The following PAH variants were observed in gnomAD, a reference collection of about 807,000 sequenced individuals.
The protein encoded by PAH is phenylalanine-4-hydroxylase.
PAH carries 64 observed loss-of-function variants against 62.0 expected under a neutral mutation model. The ratio of observed to expected loss-of-function variants is 1.03; its 90% CI spans 0.84 to 1.27. The LOEUF is 1.27. PAH is among the 50% of genes most tolerant of loss of function. PAH has a pLI of 0.00. For synonymous variants in PAH, 195 were observed against 196.2 expected (o/e 0.99, Z 0.05); for missense variants, 579 against 542.8 (o/e 1.07, Z -0.66).
At position 102,882,642 on chromosome 12, in the gene PAH, C is replaced by CTATATATATATATA. The variant is rs869088873; in HGVS notation, c.353-5106_353-5093dup. On this transcript the variant is annotated intron_variant, in intron 3 of 12. Coordinates refer to ENST00000553106, the MANE Select transcript of PAH (RefSeq NM_000277.3). ...CTGTATATATATGCATATATATACA[C>CTATATATATATATA]TATATATATATATATATATATATAT... Among the ~76,000 whole-genome samples the CTATATATATATATA allele has an allele frequency of 4.7e-5, 4 of 85,870 alleles. No homozygotes were observed. In the East Asian group the frequency reaches 1.5e-3, roughly 32 times the overall value. 56.3% of individuals were successfully genotyped at this position (85,870 alleles called of 152,430 possible). A position where few individuals can be genotyped will look rare whatever the true frequency, so the allele number is the denominator to read the frequency against.
At chr12:102,916,975 G>A (rs1023003087) in intron 1 of PAH, 96 bp downstream of exon 1, 23 of 1,098,446 alleles carry the variant, frequency 2.1e-5, no homozygotes, top group Non-Finnish European at 2.7e-5. Context: ...ACTTCTTACT[G>A]AGCTTATGAA....
chr12:102,899,472 A>T (rs1877646858), intron 2 of PAH, among the ~76,000 whole-genome samples: 1 of 152,174 alleles, frequency 6.6e-6, no homozygotes, highest in Non-Finnish European at 1.5e-5. Flanking sequence ...ATAGCATTTC[A>T]CCAAAACTTC....
chr12:102,852,598 T>C lies in PAH; in HGVS notation c.842+217A>G, dbSNP rs567114848. Among the ~76,000 whole-genome samples the C allele has an allele frequency of 2.5e-4, 38 of 152,332 alleles. No individual in the cohort carries two copies. In the South Asian group the frequency reaches 6.8e-3, roughly 27 times the overall value. ...TCACTGCCAAGGGAGTTCTGAGTTATTGGATCACAGGATGACCAAATCTCC... is the reference window on the plus strand; with the variant it reads ...TCACTGCCAAGGGAGTTCTGAGTTACTGGATCACAGGATGACCAAATCTCC... On this transcript the variant is annotated intron_variant, in intron 7 of 12. Transcript: ENST00000553106.
At chr12:102,845,315 C>G (rs1487450731) in intron 9 of PAH, among the ~76,000 whole-genome samples, 3 of 152,170 alleles carry the variant, frequency 2.0e-5, no homozygotes, top group Non-Finnish European at 4.4e-5. Context: ...TCCTCCATCT[C>G]TTTTGTTTTT....
intron 3 of PAH, among the ~76,000 whole-genome samples, chr12:102,877,916 C>T (rs1650536043): frequency 6.6e-6 from 1 of 152,112 alleles, no homozygotes; most frequent in Non-Finnish European, 1.5e-5. Context: ...ACCTCTGCCT[C>T]CTGGGTTCAA....
At chr12:102,955,265 G>C (rs1189818494), upstream of PAH, among the ~76,000 whole-genome samples, 7 of 152,226 alleles carry the variant, frequency 4.6e-5, no homozygotes, top group African/African-American at 1.2e-4. Context: ...ATGCATCCTG[G>C]AAAAGGAAAC....
At chr12:102,890,701 C>T (rs767169709) in intron 3 of PAH, among the ~76,000 whole-genome samples, 4 of 152,206 alleles carry the variant, frequency 2.6e-5, no homozygotes, top group East Asian at 1.9e-4. Context: ...AGCAAGAAAG[C>T]GAGAAGCCCC....
upstream of PAH, chr12:102,917,388 G>T (rs971249508): frequency 1.4e-5 from 7 of 509,404 alleles, no homozygotes; most frequent in African/African-American, 1.2e-4. Flanking sequence ...CTGAGGGAGG[G>T]TGTGGGGGAC....
intron 2 of PAH, among the ~76,000 whole-genome samples, chr12:102,905,110 C>T (rs976475065): frequency 1.3e-5 from 2 of 152,138 alleles, no homozygotes; most frequent in African/African-American, 2.4e-5. Flanking sequence ...TCTTCTGTGG[C>T]CTCAGAGTCA....
chr12:102,929,798 C>T (rs777085427), intron 1 of PAH, among the ~76,000 whole-genome samples: 1 of 152,046 alleles, frequency 6.6e-6, no homozygotes, highest in Non-Finnish European at 1.5e-5. Flanking sequence ...AAAGAGGAGT[C>T]AGTTTAGATA....
Position 102,957,553 on chromosome 12 carries a change from G to C in PAH, c.-96+642C>G, listed in dbSNP as rs112508173. ...TGGGTGGGAGGAAGAGGTAAGAGGAGGGGGGGGAGTGGGGGCTGCAGCCGC... is the reference window on the plus strand; with the variant it reads ...TGGGTGGGAGGAAGAGGTAAGAGGACGGGGGGGAGTGGGGGCTGCAGCCGC... On this transcript the variant is annotated intron_variant, in intron 1 of 4. Transcript: ENST00000551337. This position sits in a 1 kb window ranked among gnomAD's most constrained non-coding sequence, Gnocchi z 4.1. 1 of 149,006 alleles carries C rather than the reference G, an allele frequency of 6.7e-6. No homozygotes were observed. The highest frequency in any genetic ancestry group is 2.5e-5 in the African/African-American group (1 of 40,560). The allele number at this position is 149,006 out of a possible 1,614,324, so 9.2% of individuals were successfully genotyped here.
chr12:102,879,838 C>T (rs1016928284), intron 3 of PAH, among the ~76,000 whole-genome samples: 1 of 152,134 alleles, frequency 6.6e-6, no homozygotes, highest in African/African-American at 2.4e-5. Flanking sequence ...ATTTCCTGCC[C>T]AGAAGTTTCC....
In PAH at chr12:102,895,865, A is replaced by T. The variant is rs945959722; in HGVS notation, c.169-947T>A. ...GCGAGACTCTGTCTCAAAAAAAAAA[A>T]AAAAATATATATATATATATATATA... is the stretch of plus-strand genomic sequence containing the variant. On this transcript the variant is annotated intron_variant, in intron 2 of 12. Coordinates refer to ENST00000553106, the MANE Select transcript of PAH (RefSeq NM_000277.3). Among the ~76,000 whole-genome samples the T allele has an allele frequency of 6.6e-3, 855 of 129,420 alleles. 7 individuals are homozygous for T. Among genetic ancestry groups the T allele is most frequent in the Admixed American group, 0.019 (243 of 12,802 alleles). 84.9% of individuals were successfully genotyped at this position (129,420 alleles called of 152,430 possible).
chr12:102,897,005 T>C (rs1877533599), intron 2 of PAH, among the ~76,000 whole-genome samples: 1 of 152,346 alleles, frequency 6.6e-6, no homozygotes, highest in Non-Finnish European at 1.5e-5. Context: ...GTGATGGGTA[T>C]GTTGCTTCTT....
chr12:102,958,346 G>A (rs931355471), exon 1 of PAH: 3 of 1,435,444 alleles, frequency 2.1e-6, no homozygotes, highest in Admixed American at 2.9e-5. Flanking sequence ...TCTTTGCCAC[G>A]GCCGCAGCCG....
intron 1 of PAH, among the ~76,000 whole-genome samples, chr12:102,947,184 T>C (rs1021242012): frequency 6.6e-6 from 1 of 152,076 alleles, no homozygotes; most frequent in Non-Finnish European, 1.5e-5. Flanking sequence ...TTTGTGTGTG[T>C]ATATGTGTGT....
At chr12:102,913,144 T>C (rs1878267803) in intron 1 of PAH, among the ~76,000 whole-genome samples, 1 of 152,240 alleles carries the variant, frequency 6.6e-6, no homozygotes, top group Non-Finnish European at 1.5e-5. Flanking sequence ...TATTCATTGA[T>C]GTCACCATTC....
intron 1 of PAH, among the ~76,000 whole-genome samples, chr12:102,931,280 C>T (rs1878862943): frequency 6.6e-6 from 1 of 152,086 alleles, no homozygotes; most frequent in Non-Finnish European, 1.5e-5. Flanking sequence ...TAGGTACCCC[C>T]ACACAGGAAC....
intron 4 of PAH, among the ~76,000 whole-genome samples, chr12:102,869,169 C>A (rs1876195283): frequency 6.6e-6 from 1 of 152,170 alleles, no homozygotes; most frequent in Non-Finnish European, 1.5e-5. Flanking sequence ...AATGAGATAT[C>A]CATGAACAGT....
Sources: allele counts gnomAD v4.1 joint callset (sites outside exome capture counted in the v4.1 genomes callset), GRCh38; gene constraint gnomAD v4.1.1; non-coding constraint Gnocchi (gnomAD v3.1); transcripts MANE v1.5; gene names NCBI Gene and HGNC (gene_info 2026-07-23, HGNC 2026-07-21).